The following ZNF787 variants were observed in gnomAD, a reference collection of about 807,000 sequenced individuals.
The protein encoded by ZNF787 is zinc finger protein 787, also known as TTF-I-interacting peptide 20.
ZNF787 carries 7 observed loss-of-function variants against 16.9 expected under a neutral mutation model. The observed-to-expected ratio is 0.42, with a 90% CI of 0.24 to 0.78. The LOEUF is 0.78. Among genes scored for constraint, ZNF787 ranks in the 30% least tolerant of loss-of-function variants. The probability of loss-of-function intolerance (pLI) is 0.30; values close to 1 mark genes in which losing one functional copy is unlikely to be tolerated. For missense variants in ZNF787, 551 were observed against 589.3 expected (o/e 0.94, Z 0.67); for synonymous variants, 345 against 270.9 (o/e 1.27, Z -2.69).
intron 1 of ZNF787, among the ~76,000 whole-genome samples, chr19:56,104,751 GCA>G (rs919505990): frequency 1.2e-4 from 19 of 152,244 alleles, no homozygotes; most frequent in African/African-American, 4.1e-4. Context: ...GCGGTGCCAC[GCA>G]CACACACAGC....
rs187271723 is a variant in ZNF787, at chr19:56,115,241, A to G, written c.-11+5931T>C. Reference sequence around the variant, plus strand: ...GTTTTGGCAGATCACATTCTCCTAGAGCACAGCCTGCACGTCCCTCTGGCG... The same window carrying G: ...GTTTTGGCAGATCACATTCTCCTAGGGCACAGCCTGCACGTCCCTCTGGCG... On this transcript the variant is annotated intron_variant, in intron 1 of 2. Transcript: ENST00000610935. Among the ~76,000 whole-genome samples the G allele has an allele frequency of 1.1e-3, 165 of 151,898 alleles. 1 individual carries two copies. Among genetic ancestry groups the G allele is most frequent in the East Asian group, 3.3e-3 (17 of 5,164 alleles).
chr19:56,120,676 C>T (rs2030266256), intron 1 of ZNF787, among the ~76,000 whole-genome samples: 1 of 151,976 alleles, frequency 6.6e-6, no homozygotes, highest in African/African-American at 2.4e-5. Flanking sequence ...CCCTCGGGGC[C>T]GCGGTATCCG....
At chr19:56,096,789 T>C (rs185675920) in intron 2 of ZNF787, among the ~76,000 whole-genome samples, 252 of 152,204 alleles carry the variant, frequency 1.7e-3, no homozygotes, top group African/African-American at 5.3e-3. Flanking sequence ...ATGGAGCCCG[T>C]GCTCACCCGA....
chr19:56,088,982 C>G lies in ZNF787; in HGVS notation c.190G>C (p.Ala64Pro). The G allele has an allele frequency of 1.4e-6, 2 of 1,434,714 alleles. No homozygotes were observed. Among genetic ancestry groups the G allele is most frequent in the South Asian group, 1.4e-5 (1 of 69,898 alleles). The allele number at this position is 1,434,714 out of a possible 1,614,324, so 88.9% of individuals were successfully genotyped here. A position where few individuals can be genotyped will look rare whatever the true frequency, so the allele number is the denominator to read the frequency against. ...CCACACTCGTTGCAGATGTAGGGGG[C>G]GGGCGGCCGCGGCCGGGGAGGCGGG... is the stretch of plus-strand genomic sequence containing the variant. ...AGPPPRPRPP[A>P]PYICNECGKS... The change falls in exon 3 of 3, where the codon GCC becomes CCC. Residue 64 changes from alanine to proline, a missense_variant. Physicochemically the swap from Ala to Pro is conservative, Grantham distance 27. Coordinates refer to ENST00000610935, the MANE Select transcript of ZNF787 (RefSeq NM_001002836.4). The surrounding 1 kb of genome is among the most constrained non-coding windows in gnomAD (Gnocchi z 8.6).
intron 1 of ZNF787, among the ~76,000 whole-genome samples, chr19:56,118,219 A>C (rs2030192416): frequency 6.6e-6 from 1 of 152,182 alleles, no homozygotes. Context: ...ATGCTGGGTG[A>C]GTGAGGCCTC....
Position 56,088,085 on chromosome 19 carries a change from C to T in ZNF787, c.1087G>A (p.Asp363Asn), listed in dbSNP as rs1985394799. 1 of 1,493,416 alleles carries T rather than the reference C, an allele frequency of 6.7e-7. No homozygotes were observed. Among genetic ancestry groups the T allele is most frequent in the East Asian group, 3.0e-5 (1 of 33,312 alleles). 92.5% of individuals were successfully genotyped at this position (1,493,416 alleles called of 1,614,324 possible). ...CCGCCCGCGGCCTCGTCGTCGTCGT[C>T]CTCCTCCTCCCCGCCCGCGCGGTAG... ...SYYRAGGEEEDDDDEAAGGRC... is the reference protein window; with the variant it reads ...SYYRAGGEEENDDDEAAGGRC... Residue 363 changes from aspartate to asparagine, a missense_variant, in exon 3 of 3, where the codon GAC becomes AAC. By Grantham distance (23) the Asp-to-Asn change is conservative. This residue lies in a region of ZNF787 where 392 missense variants were observed against 312.7 expected (regional missense o/e 1.25). Transcript: ENST00000610935. The surrounding 1 kb of genome is among the most constrained non-coding windows in gnomAD (Gnocchi z 8.6).
chr19:56,109,215 G>A (rs1419543323), intron 1 of ZNF787, among the ~76,000 whole-genome samples: 1 of 152,214 alleles, frequency 6.6e-6, no homozygotes, highest in African/African-American at 2.4e-5. Flanking sequence ...GACAGCGGCT[G>A]GGGCTACGTA....
At chr19:56,120,730 T>A (rs1279220306) in intron 1 of ZNF787, among the ~76,000 whole-genome samples, 1 of 105,806 alleles carries the variant, frequency 9.5e-6, no homozygotes, top group African/African-American at 3.8e-5. Context: ...CACCTGGGCC[T>A]CAACTTCCCC....
chr19:56,098,733 C>T (rs74613267), intron 2 of ZNF787, among the ~76,000 whole-genome samples: 10 of 70,126 alleles, frequency 1.4e-4, no homozygotes, highest in African/African-American at 1.6e-4. Context: ...AGGGTGATGC[C>T]GCCAGGGTGA....
Position 56,103,274 on chromosome 19 carries a change from G to T in ZNF787, c.-10-47C>A, listed in dbSNP as rs1048317998. The T allele has an allele frequency of 2.7e-6, 4 of 1,490,294 alleles. No individual in the cohort carries two copies. The African/African-American group carries it at 5.6e-5, about 21-fold the overall frequency. The allele number at this position is 1,490,294 out of a possible 1,614,324, so 92.3% of individuals were successfully genotyped here. ...GAAGGACAGAGTTTATGGGGTGCCA[G>T]GCTGCACCGAGGGCCCTGCAGGGAG... On this transcript the variant is annotated intron_variant, in intron 1 of 2. Transcript: ENST00000610935.
intron 1 of ZNF787, among the ~76,000 whole-genome samples, chr19:56,109,681 C>T (rs916708640): frequency 1.3e-5 from 2 of 152,090 alleles, no homozygotes; most frequent in Non-Finnish European, 2.9e-5. Context: ...ATCACGAGAT[C>T]GAGACCATCC....
intron 1 of ZNF787, among the ~76,000 whole-genome samples, chr19:56,106,510 C>T (rs889085229): frequency 4.6e-5 from 7 of 152,360 alleles, no homozygotes; most frequent in Middle Eastern, 3.4e-3. Flanking sequence ...ATCAGAGTTG[C>T]CTACTGAGGT....
intron 1 of ZNF787, among the ~76,000 whole-genome samples, chr19:56,115,177 G>A (rs1286424949): frequency 6.6e-6 from 1 of 151,994 alleles, no homozygotes; most frequent in Non-Finnish European, 1.5e-5. Context: ...TCATTCTACA[G>A]TGACTGGTCT....
intron 2 of ZNF787, among the ~76,000 whole-genome samples, chr19:56,090,264 G>C (rs995387628): frequency 2.0e-5 from 3 of 152,176 alleles, no homozygotes; most frequent in Non-Finnish European, 4.4e-5. Flanking sequence ...CTCATAAGCT[G>C]GGAGCACAAA....
intron 1 of ZNF787, among the ~76,000 whole-genome samples, chr19:56,118,695 G>A (rs1028477449): frequency 6.6e-6 from 1 of 152,222 alleles, no homozygotes; most frequent in Non-Finnish European, 1.5e-5. Context: ...TCACACCACA[G>A]AGGCCCCAGC....
chr19:56,105,883 C>T (rs12980196), intron 1 of ZNF787, among the ~76,000 whole-genome samples: 81,471 of 137,446 alleles, frequency 0.59, 27,458 homozygotes, highest in South Asian at 0.83. Flanking sequence ...CGCGCATTCC[C>T]CCGGCCGCGC....
intron 1 of ZNF787, among the ~76,000 whole-genome samples, chr19:56,109,328 T>C (rs1943379051): frequency 6.6e-6 from 1 of 151,948 alleles, no homozygotes; most frequent in African/African-American, 2.4e-5. Context: ...CAGCAGCAGA[T>C]GCGAGAAGGG....
chr19:56,104,797 G>A (rs1248918400), intron 1 of ZNF787, among the ~76,000 whole-genome samples: 1 of 152,258 alleles, frequency 6.6e-6, no homozygotes, highest in African/African-American at 2.4e-5. Flanking sequence ...CCACGCGCCC[G>A]AGTTGTTGAA....
intron 2 of ZNF787, among the ~76,000 whole-genome samples, chr19:56,090,221 G>A (rs575865814): frequency 3.3e-5 from 5 of 152,058 alleles, no homozygotes; most frequent in South Asian, 2.1e-4. Flanking sequence ...GGGCCATGAC[G>A]CCCCCCTGCG....
Sources: gnomAD v4.1 joint callset for allele counts (sites outside exome capture counted in the v4.1 genomes callset) on GRCh38, gnomAD v4.1.1 for gene constraint, gnomAD v4.1.1 regional missense constraint, Gnocchi (gnomAD v3.1) non-coding constraint, MANE v1.5 for transcripts, NCBI Gene and HGNC (gene_info 2026-07-23, HGNC 2026-07-21) for gene names.